The following PHLPP1 variants were observed in gnomAD, a reference collection of about 807,000 sequenced individuals.
PHLPP1 encodes the protein PH domain and leucine rich repeat protein phosphatase 1, also known as PH domain leucine-rich repeat-containing protein phosphatase 1.
PHLPP1 carries 42 observed loss-of-function variants against 117.2 expected under a neutral mutation model. That is an observed-to-expected ratio of 0.36 (90% CI 0.28 to 0.46). PHLPP1 has a LOEUF of 0.46. Ranked by LOEUF, PHLPP1 falls within the 20% of genes least tolerant of loss-of-function variation. The pLI is 1.00. For missense variants in PHLPP1, 2,084 were observed against 2,241.9 expected, an observed-to-expected ratio of 0.93 and a Z score of 1.42; for synonymous variants, 1,042 against 970.7, an observed-to-expected ratio of 1.07 and a Z score of -1.37.
rs145178146 is a variant in PHLPP1 at position 62,741,100 on chromosome 18, C to A, written c.1576+23841C>A. On this transcript the variant is annotated intron_variant, in intron 1 of 16. Transcript: ENST00000262719. ...ATTTTTAATAAAGGTAGTTTGAGAA[C>A]TAGGATAGAAACTCTTGAGAAAGAA... is the stretch of plus-strand genomic sequence containing the variant. Among the ~76,000 whole-genome samples the A allele has an allele frequency of 6.8e-3, 1,035 of 152,204 alleles. 11 individuals are homozygous for A. Among genetic ancestry groups the A allele is most frequent in the African/African-American group, 0.024 (983 of 41,518 alleles).
chr18:62,972,440 T>C, intron 14 of PHLPP1, 74 bp from the exon 15 acceptor site: 1 of 1,368,836 alleles, frequency 7.3e-7, no homozygotes, highest in Non-Finnish European at 1.0e-6. Flanking sequence ...TAGGAAAATC[T>C]TGAAATAAGC....
intron 12 of PHLPP1, among the ~76,000 whole-genome samples, chr18:62,950,812 G>A (rs1910433282): frequency 6.6e-6 from 1 of 152,068 alleles, no homozygotes; most frequent in Non-Finnish European, 1.5e-5. Flanking sequence ...TCCTGTTTGG[G>A]ACAAGGCTCG....
intron 6 of PHLPP1, among the ~76,000 whole-genome samples, chr18:62,900,421 T>C (rs1191484945): frequency 7.0e-6 from 1 of 143,862 alleles, no homozygotes; most frequent in Non-Finnish European, 1.5e-5. Context: ...TTCTTGTTTT[T>C]TCTTTTTCTT....
chr18:62,778,050 G>A (rs926060100), intron 1 of PHLPP1, among the ~76,000 whole-genome samples: 1 of 152,216 alleles, frequency 6.6e-6, no homozygotes, highest in Non-Finnish European at 1.5e-5. Flanking sequence ...GACAAGGAGA[G>A]AGTGAATCAG....
chr18:62,952,442 C>T (rs1245412736), intron 12 of PHLPP1, among the ~76,000 whole-genome samples: 1 of 152,046 alleles, frequency 6.6e-6, no homozygotes, highest in Non-Finnish European at 1.5e-5. Flanking sequence ...AAATTCTTGC[C>T]AATTTTAAGG....
At chr18:62,841,004 C>T (rs1915034107) in intron 3 of PHLPP1, among the ~76,000 whole-genome samples, 1 of 152,178 alleles carries the variant, frequency 6.6e-6, no homozygotes, top group South Asian at 2.1e-4. Context: ...ATTCTCCTAC[C>T]TCAGTCTCCT....
At chr18:62,893,642 T>A (rs575682671) in intron 4 of PHLPP1, among the ~76,000 whole-genome samples, 1 of 152,322 alleles carries the variant, frequency 6.6e-6, no homozygotes, top group East Asian at 1.9e-4. Flanking sequence ...TTAGAGTGTG[T>A]GTGTCTCTTC....
In PHLPP1 at chr18:62,762,696, G is replaced by A. The variant is rs181377444; in HGVS notation, c.1576+45437G>A. ...CCCAAAGTACTGGGATTACAAGTGT[G>A]AGCCACCATGCCCTACCTGTTCTCT... is the stretch of plus-strand genomic sequence containing the variant. On this transcript the variant is annotated intron_variant, in intron 1 of 16. Coordinates refer to ENST00000262719, the MANE Select transcript of PHLPP1 (RefSeq NM_194449.4). 8.9e-4 allele frequency among the ~76,000 whole-genome samples: 135 copies of A among 152,204 alleles called. 1 individual carries two copies. The highest frequency in any genetic ancestry group is 3.2e-3 in the African/African-American group (132 of 41,534).
chr18:62,892,844 C>A (rs1185379479), intron 4 of PHLPP1, among the ~76,000 whole-genome samples: 1 of 149,460 alleles, frequency 6.7e-6, no homozygotes, highest in Non-Finnish European at 1.5e-5. Flanking sequence ...CCACTGCACT[C>A]CAGCCTGGGC....
At chr18:62,901,889 A>G (rs1427845258) in intron 6 of PHLPP1, among the ~76,000 whole-genome samples, 1 of 151,952 alleles carries the variant, frequency 6.6e-6, no homozygotes, top group Admixed American at 6.6e-5. Context: ...CAGCCTCCCA[A>G]AGTGCTGGGA....
chr18:62,932,056 C>T (rs1308803004), intron 10 of PHLPP1, among the ~76,000 whole-genome samples: 3 of 151,876 alleles, frequency 2.0e-5, no homozygotes, highest in African/African-American at 7.3e-5. Context: ...CACAGCTTCC[C>T]AAGGTTGAAC....
At position 62,969,817 on chromosome 18, in the gene PHLPP1, C is replaced by A. The variant is rs561043974; in HGVS notation, c.3561-2697C>A. Among the ~76,000 whole-genome samples, 3 of 152,206 alleles carry A rather than the reference C, an allele frequency of 2.0e-5. No individual in the cohort carries two copies. The East Asian group carries it at 5.8e-4, about 29-fold the overall frequency. On this transcript the variant is annotated intron_variant, in intron 14 of 16. Coordinates refer to ENST00000262719, the MANE Select transcript of PHLPP1 (RefSeq NM_194449.4). ...TTTTGATTAATGTTAGCATGGTATACCTTTTAAAAAATCCTTTTACTTTTA... is the reference window on the plus strand; with the variant it reads ...TTTTGATTAATGTTAGCATGGTATAACTTTTAAAAAATCCTTTTACTTTTA...
chr18:62,794,831 CTG>C (rs1279475998), intron 1 of PHLPP1, among the ~76,000 whole-genome samples: 3 of 152,156 alleles, frequency 2.0e-5, no homozygotes, highest in East Asian at 1.9e-4. Context: ...CAAGTGGACT[CTG>C]TAGTGTGGTG....
At chr18:62,776,552 T>C (rs913580144) in intron 1 of PHLPP1, among the ~76,000 whole-genome samples, 1 of 152,114 alleles carries the variant, frequency 6.6e-6, no homozygotes, top group East Asian at 1.9e-4. Flanking sequence ...CTCAGTAGAA[T>C]GACTTTGAGA....
chr18:62,803,187 T>G (rs755975827), intron 1 of PHLPP1, among the ~76,000 whole-genome samples: 3 of 152,188 alleles, frequency 2.0e-5, no homozygotes, highest in Non-Finnish European at 2.9e-5. Context: ...ATGCTAGAAA[T>G]TTTAATTTAA....
At chr18:62,949,333 C>T (rs996417446) in intron 12 of PHLPP1, among the ~76,000 whole-genome samples, 30 of 152,124 alleles carry the variant, frequency 2.0e-4, no homozygotes, top group Non-Finnish European at 2.2e-4. Flanking sequence ...AACAAATCTC[C>T]GTACTGAGAT....
chr18:62,831,822 T>C (rs1376095127), intron 2 of PHLPP1, among the ~76,000 whole-genome samples: 1 of 152,242 alleles, frequency 6.6e-6, no homozygotes, highest in Non-Finnish European at 1.5e-5. Context: ...CTCTCTATTC[T>C]AGTTTCAAGA....
chr18:62,883,199 A>G (rs1396480619), intron 4 of PHLPP1, among the ~76,000 whole-genome samples: 2 of 152,154 alleles, frequency 1.3e-5, no homozygotes, highest in Admixed American at 1.3e-4. Context: ...GGGATCCCAT[A>G]AAGGAAGAGA....
intron 1 of PHLPP1, among the ~76,000 whole-genome samples, chr18:62,817,506 A>G (rs1217659675): frequency 1.3e-5 from 2 of 152,148 alleles, no homozygotes; most frequent in African/African-American, 4.8e-5. Flanking sequence ...CTCAAACACT[A>G]CAGAAGAAAG....
Sources: allele counts gnomAD v4.1 joint callset (sites outside exome capture counted in the v4.1 genomes callset), GRCh38; gene constraint gnomAD v4.1.1; transcripts MANE v1.5; gene names NCBI Gene and HGNC (gene_info 2026-07-23, HGNC 2026-07-21).